Variants in SUPT7L observed in about 807,000 individuals in gnomAD.
The protein encoded by SUPT7L is STAGA complex 65 subunit gamma.
In SUPT7L, 15 loss-of-function variants were observed where a neutral mutation model predicts 35.7. The observed-to-expected ratio is 0.42, with a 90% confidence interval of 0.28 to 0.65. SUPT7L has a LOEUF of 0.65. SUPT7L is among the 30% of genes least tolerant of loss of function. The pLI, the probability that SUPT7L is intolerant of heterozygous loss-of-function variation, is 0.23. For missense variants in SUPT7L, 434 were observed against 522.2 expected (o/e 0.83, Z 1.65); for synonymous variants, 168 against 186.2 (o/e 0.90, Z 0.79).
chr2:27,655,059 T>G (rs951282071), intron 5 of SUPT7L, among the ~76,000 whole-genome samples: 1 of 152,230 alleles, frequency 6.6e-6, no homozygotes, highest in African/African-American at 2.4e-5. Flanking sequence ...GAAGGGGATA[T>G]CTTCCCAACC....
downstream of SUPT7L, chr2:27,650,018 T>C (rs966115037): frequency 1.4e-6 from 1 of 716,768 alleles, no homozygotes. Context: ...TTAAGTTTCT[T>C]AGAAGTAATG....
rs1674841743 is a variant in SUPT7L at position 27,657,118 on chromosome 2, G to C, written c.744+227C>G. ...ATTCTCTCAGATTCCATATACTTGT[G>C]GATAGTTTCTTCCAGAGGAAGTATC... On this transcript the variant is annotated intron_variant, in intron 4 of 5. Coordinates refer to ENST00000337768, the MANE Select transcript of SUPT7L (RefSeq NM_014860.3). This position sits in a 1 kb window ranked among gnomAD's most constrained non-coding sequence, Gnocchi z 5.2. Among the ~76,000 whole-genome samples, 1 of 152,184 alleles carries C rather than the reference G, an allele frequency of 6.6e-6. No homozygotes were observed. Among genetic ancestry groups the C allele is most frequent in the Admixed American group, 6.5e-5 (1 of 15,282 alleles).
chr2:27,657,256 T>G lies in SUPT7L; in HGVS notation c.744+89A>C. ...CACTCTGTTCCAAGACTCTGTGCTC[T>G]GCACTCTAGACCAAGTGTTGTGGGA... On this transcript the variant is annotated intron_variant, in intron 4 of 5. Transcript: ENST00000337768. The surrounding 1 kb of genome is among the most constrained non-coding windows in gnomAD (Gnocchi z 5.2). 1 of 1,405,720 alleles carries G rather than the reference T, an allele frequency of 7.1e-7. No homozygotes were observed. Among genetic ancestry groups the G allele is most frequent in the Non-Finnish European group, 9.7e-7 (1 of 1,026,462 alleles). The allele number at this position is 1,405,720 out of a possible 1,614,324, so 87.1% of individuals were successfully genotyped here. A position where few individuals can be genotyped will look rare whatever the true frequency, so the allele number is the denominator to read the frequency against.
downstream of SUPT7L, chr2:27,650,563 C>CT (rs1418126235): frequency 6.2e-6 from 1 of 162,140 alleles, no homozygotes; most frequent in Non-Finnish European, 1.3e-5. Flanking sequence ...CCTCAGATCT[C>CT]TATTATTAGG....
At chr2:27,662,139 C>G in intron 2 of SUPT7L, 40 bp downstream of exon 2, 2 of 1,614,016 alleles carry the variant, frequency 1.2e-6, no homozygotes, top group Non-Finnish European at 1.7e-6. Flanking sequence ...AATTCCTTGG[C>G]TTACCATTCA....
the SUPT7L span, among the ~76,000 whole-genome samples, chr2:27,644,099 C>T: frequency 3.3e-5 from 5 of 152,098 alleles, no homozygotes; most frequent in African/African-American, 4.8e-5. Context: ...CTCTTGAACC[C>T]GGGAGGCAGA....
In SUPT7L at chr2:27,657,412, C is replaced by A; in HGVS notation, c.677G>T (p.Gly226Val). The change falls in exon 4 of 6, where the codon GGC becomes GTC. Residue 226 changes from glycine (G) to valine (V), a missense_variant. Physicochemically the swap from Gly to Val is moderately radical, Grantham distance 109. Transcript: ENST00000337768. This position sits in a 1 kb window ranked among gnomAD's most constrained non-coding sequence, Gnocchi z 5.2. ...GAACTTCTGGAGGGAGAGCACACTG[C>A]CAATACCCACTTCATGGAATACCTG... is the stretch of plus-strand genomic sequence containing the variant. Reference protein sequence around the residue: ...MEQVFHEVGIGSVLSLQKFWQ... With the variant: ...MEQVFHEVGIVSVLSLQKFWQ... 6.2e-7 allele frequency: 1 copy of A among 1,614,286 alleles called. No homozygotes were observed. Among genetic ancestry groups the A allele is most frequent in the East Asian group, 2.2e-5 (1 of 44,892 alleles).
chr2:27,646,531 AG>A (rs1209330081), downstream of SUPT7L, among the ~76,000 whole-genome samples: 1 of 152,070 alleles, frequency 6.6e-6, no homozygotes, highest in Non-Finnish European at 1.5e-5. Flanking sequence ...TTGGCTCTGC[AG>A]GGGTTTTTAG....
At chr2:27,647,967 G>A (rs760853522), downstream of SUPT7L, 12 of 1,335,874 alleles carry the variant, frequency 9.0e-6, no homozygotes, top group South Asian at 1.1e-4. Context: ...GAGGTGGCCC[G>A]TGGCAACAGA....
At chr2:27,649,412 C>A (rs1045671319), downstream of SUPT7L, among the ~76,000 whole-genome samples, 7 of 151,890 alleles carry the variant, frequency 4.6e-5, no homozygotes, top group African/African-American at 1.7e-4. Flanking sequence ...GTGAAACTCA[C>A]TTTTTGAGTA....
rs756934640 is a variant in SUPT7L at position 27,661,301 on chromosome 2, G to A, written c.102C>T (p.Val34=). 3 of 1,613,986 alleles carry A rather than the reference G, an allele frequency of 1.9e-6. No individual in the cohort carries two copies. In the South Asian group the frequency reaches 3.3e-5, roughly 18 times the overall value. The stretch of plus-strand genomic sequence containing the variant: ...AGGGTTGGTGCAGGGGTGGGTCATG[G>A]ACTTCCACCAGACGGAACTCCCGTG... The part of the protein sequence containing the change: ...LLPREFRLVE[V]HDPPLHQPSA... Residue 34 remains valine (V), a synonymous_variant, in exon 3 of 6, where the codon GTC becomes GTT. Transcript: ENST00000337768.
the SUPT7L span, among the ~76,000 whole-genome samples, chr2:27,642,958 T>TACACACAC: frequency 7.6e-3 from 929 of 122,594 alleles, 4 homozygotes; most frequent in African/African-American, 0.016. Flanking sequence ...TATATATATA[T>TACACACAC]ACACACACAC....
At chr2:27,655,752 G>C in intron 4 of SUPT7L, 150 bp from the exon 5 acceptor site, 1 of 722,908 alleles carries the variant, frequency 1.4e-6, no homozygotes, top group Non-Finnish European at 2.3e-6. Flanking sequence ...TTAAGGTGCT[G>C]AGTTTGCATT....
chr2:27,649,540 A>G (rs1674418931), downstream of SUPT7L, among the ~76,000 whole-genome samples: 1 of 151,690 alleles, frequency 6.6e-6, no homozygotes, highest in Admixed American at 6.6e-5. Flanking sequence ...TTCAGTCCCC[A>G]TCCTGAACAC....
At position 27,653,688 on chromosome 2, in the gene SUPT7L, C is replaced by G; in HGVS notation, c.1042G>C (p.Glu348Gln). ...CCAGAGACATTGCCTTCTTCACTTT[C>G]TTGAGGCTCCATTTTCACATGGGCC... ...NLAHVKMEPQESEEGNVSGHG... is the reference protein window; with the variant it reads ...NLAHVKMEPQQSEEGNVSGHG... Residue 348 changes from glutamate to glutamine, a missense_variant, in exon 6 of 6, where the codon GAA becomes CAA. Physicochemically the swap from Glu to Gln is conservative, Grantham distance 29. This residue lies in a region of SUPT7L where 159 missense variants were observed against 217.1 expected (regional missense o/e 0.73). Coordinates refer to ENST00000337768, the MANE Select transcript of SUPT7L (RefSeq NM_014860.3). The G allele has an allele frequency of 6.2e-7, 1 of 1,614,184 alleles. No homozygotes were observed. Among genetic ancestry groups the G allele is most frequent in the Non-Finnish European group, 8.5e-7 (1 of 1,180,030 alleles).
At position 27,657,779 on chromosome 2, in the gene SUPT7L, G is replaced by T; in HGVS notation, c.420-110C>A. On this transcript the variant is annotated intron_variant, in intron 3 of 5. Transcript: ENST00000337768. This position sits in a 1 kb window ranked among gnomAD's most constrained non-coding sequence, Gnocchi z 5.2. ...GTCAAGCCACTGGCCTAGCTTTCCA[G>T]GGAAATTCCATCCAAGTTACATAGC... is the stretch of plus-strand genomic sequence containing the variant. 9.3e-7 allele frequency: 1 copy of T among 1,076,746 alleles called. No individual in the cohort carries two copies. 66.7% of individuals were successfully genotyped at this position (1,076,746 alleles called of 1,614,324 possible).
rs1189970300 is a variant in SUPT7L at position 27,653,666 on chromosome 2, G to C, written c.1064C>G (p.Ser355Cys). The C allele has an allele frequency of 6.2e-7, 1 of 1,614,028 alleles. No homozygotes were observed. Among genetic ancestry groups the C allele is most frequent in the Non-Finnish European group, 8.5e-7 (1 of 1,180,028 alleles). Reference sequence around the variant, plus strand: ...ATCACTGCCCAGCACACCATGCCCAGAGACATTGCCTTCTTCACTTTCTTG... The same window carrying C: ...ATCACTGCCCAGCACACCATGCCCACAGACATTGCCTTCTTCACTTTCTTG... ...EPQESEEGNV[S>C]GHGVLGSDVF... Residue 355 changes from serine to cysteine, a missense_variant, in exon 6 of 6, where the codon TCT becomes TGT. Coordinates refer to ENST00000337768, the MANE Select transcript of SUPT7L (RefSeq NM_014860.3).
At chr2:27,648,888 C>T (rs922535407), downstream of SUPT7L, among the ~76,000 whole-genome samples, 1 of 151,730 alleles carries the variant, frequency 6.6e-6, no homozygotes, top group Non-Finnish European at 1.5e-5. Context: ...CCGCCCATCT[C>T]GGCCTCCCAA....
intron 4 of SUPT7L, among the ~76,000 whole-genome samples, chr2:27,655,845 AAAT>A (rs1674781499): frequency 6.6e-6 from 1 of 152,198 alleles, no homozygotes; most frequent in African/African-American, 2.4e-5. Flanking sequence ...AAAGGTAAAA[AAAT>A]GTGTTAGAAC....
Sources: allele counts gnomAD v4.1 joint callset (sites outside exome capture counted in the v4.1 genomes callset), GRCh38; gene constraint gnomAD v4.1.1; regional missense constraint gnomAD v4.1.1; non-coding constraint Gnocchi (gnomAD v3.1); transcripts MANE v1.5; gene names NCBI Gene and HGNC (gene_info 2026-07-23, HGNC 2026-07-21).